MYO5A: variants seen among roughly 807,000 people sequenced by gnomAD.
MYO5A encodes the protein myosin VA.
A neutral mutation model predicts 249.7 loss-of-function variants in MYO5A; 98 were observed. The ratio of observed to expected loss-of-function variants is 0.39; its 90% CI spans 0.33 to 0.46. MYO5A has a LOEUF of 0.46. Ranked by LOEUF, MYO5A falls within the 20% of genes least tolerant of loss-of-function variation. The pLI, the probability that MYO5A is intolerant of heterozygous loss-of-function variation, is 0.98. For missense variants in MYO5A, 1,696 were observed against 2,308.8 expected, an observed-to-expected ratio of 0.73 and a Z score of 5.44; for synonymous variants, 778 against 810.6, an observed-to-expected ratio of 0.96 and a Z score of 0.68.
intron 14 of MYO5A, among the ~76,000 whole-genome samples, chr15:52,387,443 C>T (rs1454468809): frequency 6.6e-6 from 1 of 152,146 alleles, no homozygotes; most frequent in African/African-American, 2.4e-5. Flanking sequence ...TCTCTCATGG[C>T]CTCTCACCAA....
At chr15:52,331,501 G>A (rs927297558) in intron 34 of MYO5A, among the ~76,000 whole-genome samples, 3 of 152,182 alleles carry the variant, frequency 2.0e-5, no homozygotes, top group African/African-American at 7.2e-5. Flanking sequence ...TAAGAGATTT[G>A]TTTAAGGGCA....
intron 22 of MYO5A, among the ~76,000 whole-genome samples, chr15:52,367,861 A>G: frequency 7.4e-6 from 1 of 134,692 alleles, no homozygotes; most frequent in Non-Finnish European, 1.6e-5. Flanking sequence ...TATGTCATGT[A>G]TATTTTAAAA....
chr15:52,338,506 T>C (rs908932181), intron 32 of MYO5A, among the ~76,000 whole-genome samples: 1 of 152,146 alleles, frequency 6.6e-6, no homozygotes, highest in African/African-American at 2.4e-5. Flanking sequence ...TTTAATATCC[T>C]ACTCAAGTGT....
intron 23 of MYO5A, among the ~76,000 whole-genome samples, chr15:52,365,164 CAG>C (rs1445568036): frequency 2.0e-5 from 3 of 152,242 alleles, no homozygotes; most frequent in Admixed American, 6.5e-5. Context: ...TCCTACTCTA[CAG>C]AGTCTCTCTT....
intron 1 of MYO5A, among the ~76,000 whole-genome samples, chr15:52,513,431 TAAA>T (rs200250201): frequency 8.4e-6 from 1 of 119,056 alleles, no homozygotes. Context: ...AACTCCATCT[TAAA>T]AAAAAAAAAG....
intron 1 of MYO5A, among the ~76,000 whole-genome samples, chr15:52,468,114 C>G (rs948530933): frequency 1.3e-5 from 2 of 152,114 alleles, no homozygotes; most frequent in Non-Finnish European, 2.9e-5. Flanking sequence ...CTTTGAGAAG[C>G]TGAGGCATGA....
Position 52,375,042 on chromosome 15 carries a change from A to G in MYO5A, c.2577+262T>C, listed in dbSNP as rs10444829. Among the ~76,000 whole-genome samples, 143,629 of 152,274 alleles carry G rather than the reference A, an allele frequency of 0.94. 68,310 individuals are homozygous for G. The highest frequency in any genetic ancestry group is 1 in the East Asian group (5,188 of 5,188). On this transcript the variant is annotated intron_variant, in intron 20 of 41. Transcript: ENST00000399233. ...TACCTATAATCTCAGCACTTTGGGA[A>G]GCCACAGTGGGAAGACTGCTTGAGG...
At position 52,372,492 on chromosome 15, in the gene MYO5A, T is replaced by C. The variant is rs117716743; in HGVS notation, c.2578-129A>G. 47,907 of 1,219,050 alleles carry C rather than the reference T, an allele frequency of 0.039. 1,265 individuals are homozygous for C. The highest frequency in any genetic ancestry group is 0.046 in the Non-Finnish European group (39,401 of 859,526). The allele number at this position is 1,219,050 out of a possible 1,614,324, so 75.5% of individuals were successfully genotyped here. ...CATAAAAGTTGAATTGACAATGTAC[T>C]ATGTAGATTATACTTATCACAGATA... On this transcript the variant is annotated intron_variant, in intron 20 of 41. Coordinates refer to ENST00000399233, the MANE Select transcript of MYO5A (RefSeq NM_001382347.1).
intron 1 of MYO5A, among the ~76,000 whole-genome samples, chr15:52,511,559 A>G (rs1693501): frequency 0.8 from 121,614 of 152,138 alleles, 48,875 homozygotes; most frequent in South Asian, 0.85. Context: ...GAGTGCCTTT[A>G]ATTACTCAGG....
In MYO5A at chr15:52,319,484, T is replaced by C. The variant is rs1015438774; in HGVS notation, c.4952-142A>G. 6.5e-6 allele frequency: 6 copies of C among 929,186 alleles called. No individual in the cohort carries two copies. In the African/African-American group the frequency reaches 6.5e-5, roughly 10 times the overall value. The allele number at this position is 929,186 out of a possible 1,614,324, so 57.6% of individuals were successfully genotyped here. The stretch of plus-strand genomic sequence containing the variant: ...GGCTCACATCTGTAATCCCAGCACT[T>C]TGGGAGGCCGCCGAGGTGGGTGGAT... On this transcript the variant is annotated intron_variant, in intron 38 of 41. Coordinates refer to ENST00000399233, the MANE Select transcript of MYO5A (RefSeq NM_001382347.1).
chr15:52,527,328 A>C (rs1324792946), intron 1 of MYO5A, among the ~76,000 whole-genome samples: 2 of 152,214 alleles, frequency 1.3e-5, no homozygotes, highest in African/African-American at 4.8e-5. Flanking sequence ...GCACCATATT[A>C]AGTGTTTAAG....
chr15:52,409,354 C>CA (rs930399849), intron 6 of MYO5A, among the ~76,000 whole-genome samples: 16 of 151,830 alleles, frequency 1.1e-4, no homozygotes, highest in African/African-American at 2.9e-4. Context: ...AGACACTTTT[C>CA]AAAAAAAACC....
chr15:52,478,395 G>A (rs1368688993), intron 1 of MYO5A, among the ~76,000 whole-genome samples: 1 of 152,118 alleles, frequency 6.6e-6, no homozygotes, highest in Non-Finnish European at 1.5e-5. Context: ...TTCAGCTCAT[G>A]CTCCGTGGGC....
At chr15:52,319,700 C>A (rs932521043) in intron 38 of MYO5A, among the ~76,000 whole-genome samples, 3 of 152,010 alleles carry the variant, frequency 2.0e-5, no homozygotes, top group African/African-American at 7.3e-5. Context: ...ATCTGGGCTC[C>A]AGGCTGGGTG....
intron 5 of MYO5A, among the ~76,000 whole-genome samples, chr15:52,415,240 AT>A (rs2043423931): frequency 6.6e-6 from 1 of 152,238 alleles, no homozygotes; most frequent in Non-Finnish European, 1.5e-5. Flanking sequence ...AAAAATGCCG[AT>A]TTGAATTTTT....
rs1272039433 is a variant in MYO5A at position 52,528,694 on chromosome 15, G to A, written c.27+86C>T. ...GCGCTGGTGGGGCTCGCCTGGGCCC[G>A]GCGCTCCCGCCCCCTCCCCAGCCTG... On this transcript the variant is annotated intron_variant, in intron 1 of 41. Transcript: ENST00000399233. 2.8e-6 allele frequency: 4 copies of A among 1,423,738 alleles called. No individual in the cohort carries two copies. In the Admixed American group the frequency reaches 1.0e-4, roughly 37 times the overall value. The allele number at this position is 1,423,738 out of a possible 1,614,324, so 88.2% of individuals were successfully genotyped here.
intron 28 of MYO5A, among the ~76,000 whole-genome samples, chr15:52,350,505 C>T (rs1017124774): frequency 5.9e-5 from 9 of 152,124 alleles, no homozygotes; most frequent in African/African-American, 2.2e-4. Flanking sequence ...TTATATGACA[C>T]ACCACACAGT....
intron 1 of MYO5A, among the ~76,000 whole-genome samples, chr15:52,490,786 A>AAC (rs1484852949): frequency 3.9e-5 from 6 of 152,080 alleles, no homozygotes; most frequent in African/African-American, 1.4e-4. Context: ...TGGTGTGATG[A>AAC]TCACAGCTCA....
chr15:52,359,466 A>G (rs1231427314), intron 25 of MYO5A, among the ~76,000 whole-genome samples: 1 of 152,226 alleles, frequency 6.6e-6, no homozygotes, highest in Non-Finnish European at 1.5e-5. Context: ...TTTGTAGAAG[A>G]AAGTTACATT....
Sources: gnomAD v4.1 joint callset for allele counts (sites outside exome capture counted in the v4.1 genomes callset) on GRCh38, gnomAD v4.1.1 for gene constraint, MANE v1.5 for transcripts, NCBI Gene and HGNC (gene_info 2026-07-23, HGNC 2026-07-21) for gene names.